The following R3HDM1 variants were observed in gnomAD, a reference collection of about 807,000 sequenced individuals.
The protein encoded by R3HDM1 is R3H domain containing 1, also known as R3H domain-containing protein 1.
In R3HDM1, 46 loss-of-function variants were observed where a neutral mutation model predicts 141.1. The ratio of observed to expected loss-of-function variants is 0.33; its 90% CI spans 0.26 to 0.42. R3HDM1 has a LOEUF of 0.42. Ranked by LOEUF, R3HDM1 falls within the 10% of genes least tolerant of loss-of-function variation. The pLI, the probability that R3HDM1 is intolerant of heterozygous loss-of-function variation, is 1.00. For missense variants in R3HDM1, 1,184 were observed against 1,368.3 expected (o/e 0.87, Z 2.12); for synonymous variants, 435 against 472.9 (o/e 0.92, Z 1.04).
chr2:135,630,057 A>T (rs1489546573), intron 7 of R3HDM1, among the ~76,000 whole-genome samples: 2 of 137,130 alleles, frequency 1.5e-5, no homozygotes, highest in African/African-American at 2.8e-5. Context: ...AGGATGATTT[A>T]AAAAAAAAAA....
At chr2:135,700,318 C>T (rs1352503836) in intron 21 of R3HDM1, among the ~76,000 whole-genome samples, 2 of 152,072 alleles carry the variant, frequency 1.3e-5, no homozygotes, top group Non-Finnish European at 2.9e-5. Flanking sequence ...GATAGTGGGA[C>T]CAGTGAGTTT....
intron 26 of R3HDM1, 42 bp downstream of exon 26, chr2:135,722,595 G>A: frequency 1.3e-6 from 2 of 1,561,462 alleles, no homozygotes; most frequent in Non-Finnish European, 1.8e-6. Context: ...CTGCAAACTG[G>A]TGACAGTCTA....
chr2:135,580,375 T>G (rs1393850416), intron 1 of R3HDM1, among the ~76,000 whole-genome samples: 1 of 152,226 alleles, frequency 6.6e-6, no homozygotes, highest in Admixed American at 6.5e-5. Flanking sequence ...CTATCAGGGC[T>G]CTCACTATTT....
At chr2:135,559,027 C>A in intron 1 of R3HDM1, 2 of 981,932 alleles carry the variant, frequency 2.0e-6, no homozygotes, top group Non-Finnish European at 2.4e-6. Context: ...AATACCTTAT[C>A]AGTGGTATTT....
intron 1 of R3HDM1, among the ~76,000 whole-genome samples, chr2:135,554,392 A>G (rs529208768): frequency 4.6e-5 from 7 of 152,216 alleles, no homozygotes; most frequent in Non-Finnish European, 1.0e-4. Context: ...GAATGGATAT[A>G]TGACGTTTTA....
chr2:135,700,478 T>C (rs913049614), intron 21 of R3HDM1, among the ~76,000 whole-genome samples: 3 of 152,206 alleles, frequency 2.0e-5, no homozygotes, highest in Non-Finnish European at 4.4e-5. Flanking sequence ...TAAGTAATAT[T>C]ATTAAGTTCA....
chr2:135,707,643 A>T lies in R3HDM1; in HGVS notation c.2460-1790A>T, dbSNP rs142966613. Among the ~76,000 whole-genome samples, 289 of 152,294 alleles carry T rather than the reference A, an allele frequency of 1.9e-3. 2 individuals carry two copies. The highest frequency in any genetic ancestry group is 6.7e-3 in the African/African-American group (280 of 41,564). ...CTCAGACCTTAGCAAACAAGATCAGAGTGAGGGGCATGGCTCAGGAGAGCT... is the reference window on the plus strand; with the variant it reads ...CTCAGACCTTAGCAAACAAGATCAGTGTGAGGGGCATGGCTCAGGAGAGCT... On this transcript the variant is annotated intron_variant, in intron 21 of 26. Coordinates refer to ENST00000683871, the MANE Select transcript of R3HDM1 (RefSeq NM_001378107.1).
chr2:135,626,602 T>C (rs1340427625), intron 7 of R3HDM1, among the ~76,000 whole-genome samples: 1 of 152,242 alleles, frequency 6.6e-6, no homozygotes, highest in Admixed American at 6.5e-5. Context: ...CATTTTTATG[T>C]CTTCCAAATT....
chr2:135,665,785 GTCTC>G (rs1484695435), intron 19 of R3HDM1, among the ~76,000 whole-genome samples: 1 of 152,126 alleles, frequency 6.6e-6, no homozygotes, highest in African/African-American at 2.4e-5. Flanking sequence ...AGTCAAATAT[GTCTC>G]TCCCTATTGC....
intron 5 of R3HDM1, chr2:135,620,810 T>C (rs2061448853): frequency 4.4e-6 from 1 of 225,656 alleles, no homozygotes; most frequent in African/African-American, 2.3e-5. Context: ...TGTAATGGCA[T>C]TGTTTTTAAA....
rs2063524181 is a variant in R3HDM1, at chr2:135,638,957, T to C, written c.1054T>C (p.Leu352=). ...NSHQSSTENE[L]KYSEPRPWSS... Reference sequence around the variant, plus strand: ...CCATCAAAGCAGCACTGAGAATGAGTTGAAGTACTCGGAACCACGACCCTG... The same window carrying C: ...CCATCAAAGCAGCACTGAGAATGAGCTGAAGTACTCGGAACCACGACCCTG... Residue 352 remains leucine (L), a synonymous_variant, in exon 14 of 27, where the codon TTG becomes CTG. Transcript: ENST00000683871. The C allele has an allele frequency of 6.2e-7, 1 of 1,613,908 alleles. No homozygotes were observed. Among genetic ancestry groups the C allele is most frequent in the Non-Finnish European group, 8.5e-7 (1 of 1,180,016 alleles).
chr2:135,538,717 G>A (rs979701027), intron 1 of R3HDM1, among the ~76,000 whole-genome samples: 7 of 152,070 alleles, frequency 4.6e-5, no homozygotes, highest in South Asian at 2.1e-4. Flanking sequence ...GGATTCAAGC[G>A]ATTCTTCTGC....
In R3HDM1 at chr2:135,723,952, T is replaced by G; in HGVS notation, c.3065T>G (p.Leu1022Trp). 6.2e-7 allele frequency: 1 copy of G among 1,610,948 alleles called. No individual in the cohort carries two copies. Among genetic ancestry groups the G allele is most frequent in the Non-Finnish European group, 8.5e-7 (1 of 1,177,708 alleles). Residue 1022 changes from leucine to tryptophan, a missense_variant, in exon 27 of 27, where the codon TTG becomes TGG. Transcript: ENST00000683871. ...GAGETVVGKV[L>W]EITELPDGIT... ...TCTATTCTAGTTGTTGGGAAGGTCTTGGAAATTACTGAACTACCAGATGGA... is the reference window on the plus strand; with the variant it reads ...TCTATTCTAGTTGTTGGGAAGGTCTGGGAAATTACTGAACTACCAGATGGA...
intron 21 of R3HDM1, among the ~76,000 whole-genome samples, chr2:135,693,933 G>A (rs1342610105): frequency 6.6e-6 from 1 of 152,124 alleles, no homozygotes; most frequent in South Asian, 2.1e-4. Flanking sequence ...TGAACCCGGA[G>A]GCAGAGGTTG....
chr2:135,696,335 GTT>G (rs1270704123), intron 21 of R3HDM1, among the ~76,000 whole-genome samples: 1 of 152,214 alleles, frequency 6.6e-6, no homozygotes, highest in Non-Finnish European at 1.5e-5. Flanking sequence ...GCTGGGAAGA[GTT>G]TATGGGGAAG....
At chr2:135,555,083 C>A (rs150274636) in intron 1 of R3HDM1, among the ~76,000 whole-genome samples, 1,573 of 152,092 alleles carry the variant, frequency 0.01, 25 homozygotes, top group African/African-American at 0.036. Flanking sequence ...GGGCGGATCA[C>A]GAGGTCAAGA....
intron 3 of R3HDM1, among the ~76,000 whole-genome samples, chr2:135,608,367 C>T (rs2060258181): frequency 6.6e-6 from 1 of 151,758 alleles, no homozygotes; most frequent in South Asian, 2.1e-4. Flanking sequence ...AGAATATTGA[C>T]CCTGCTTTGA....
intron 18 of R3HDM1, among the ~76,000 whole-genome samples, chr2:135,652,903 A>G (rs543123760): frequency 6.6e-6 from 1 of 152,282 alleles, no homozygotes; most frequent in South Asian, 2.1e-4. Context: ...ATTTGTTGTC[A>G]TAAAATTGTT....
At chr2:135,710,347 A>G in intron 23 of R3HDM1, 116 bp downstream of exon 23, 1 of 1,125,226 alleles carries the variant, frequency 8.9e-7, no homozygotes, top group Non-Finnish European at 1.2e-6. Flanking sequence ...AATTTGGGCC[A>G]GGCGCGGTGG....
Sources: allele counts gnomAD v4.1 joint callset (sites outside exome capture counted in the v4.1 genomes callset), GRCh38; gene constraint gnomAD v4.1.1; transcripts MANE v1.5; gene names NCBI Gene and HGNC (gene_info 2026-07-23, HGNC 2026-07-21).